The following FMNL1 variants were observed in gnomAD, a reference collection of about 807,000 sequenced individuals.
FMNL1 encodes the protein formin-like protein 1.
A neutral mutation model predicts 121.3 loss-of-function variants in FMNL1; 43 were observed. That is an observed-to-expected ratio of 0.35 (90% CI 0.28 to 0.46). The LOEUF is 0.46. Among genes scored for constraint, FMNL1 ranks in the 20% least tolerant of loss-of-function variants. The pLI, the probability that FMNL1 is intolerant of heterozygous loss-of-function variation, is 1.00. For synonymous variants in FMNL1, 613 were observed against 613.5 expected (o/e 1.00, Z 0.01); for missense variants, 1,191 against 1,482.4 (o/e 0.80, Z 3.23).
intron 1 of FMNL1, among the ~76,000 whole-genome samples, chr17:45,224,748 G>T (rs1390530553): frequency 6.6e-6 from 1 of 152,226 alleles, no homozygotes; most frequent in Admixed American, 6.5e-5. Context: ...AAAGAAAGGG[G>T]TGCCCCCTGC....
Position 45,237,759 on chromosome 17 carries a change from C to T in FMNL1, c.894+120C>T, listed in dbSNP as rs573764947. 178 of 1,087,800 alleles carry T rather than the reference C, an allele frequency of 1.6e-4. No homozygotes were observed. Among genetic ancestry groups the T allele is most frequent in the Middle Eastern group, 6.1e-4 (3 of 4,890 alleles). 67.4% of individuals were successfully genotyped at this position (1,087,800 alleles called of 1,614,324 possible). A position where few individuals can be genotyped will look rare whatever the true frequency, so the allele number is the denominator to read the frequency against. On this transcript the variant is annotated intron_variant, in intron 9 of 26. Coordinates refer to ENST00000331495, the MANE Select transcript of FMNL1 (RefSeq NM_005892.4). This position sits in a 1 kb window ranked among gnomAD's most constrained non-coding sequence, Gnocchi z 4.4. Reference sequence around the variant, plus strand: ...GGACATTGGGTGGGCATTTGGGGAACGCCCAAAAGTTGAAGTTGAGCCACA... The same window carrying T: ...GGACATTGGGTGGGCATTTGGGGAATGCCCAAAAGTTGAAGTTGAGCCACA...
rs1311941497 is a variant in FMNL1 at position 45,240,486 on chromosome 17, T to C, written c.1091T>C (p.Leu364Pro). 1.2e-6 allele frequency: 2 copies of C among 1,609,556 alleles called. No individual in the cohort carries two copies. Among genetic ancestry groups the C allele is most frequent in the African/African-American group, 2.7e-5 (2 of 74,048 alleles). Residue 364 changes from leucine (L) to proline (P), a missense_variant, in exon 12 of 27, where the codon CTC (leucine) becomes CCC (proline). Coordinates refer to ENST00000331495, the MANE Select transcript of FMNL1 (RefSeq NM_005892.4). ...GLDLYLERLRLTESDKLQVQI... is the reference protein window; with the variant it reads ...GLDLYLERLRPTESDKLQVQI... ...CCATCTGGGGGACAGAGGCTTCGGC[T>C]CACCGAGAGTGACAAGCTGCAGGTG...
intron 1 of FMNL1, among the ~76,000 whole-genome samples, chr17:45,222,601 C>A (rs1392116945): frequency 6.6e-6 from 1 of 152,128 alleles, no homozygotes; most frequent in Non-Finnish European, 1.5e-5. Flanking sequence ...GCCCAGCCAC[C>A]GGGCGCGGGT....
chr17:45,230,816 A>T, intron 2 of FMNL1, 129 bp downstream of exon 2: 1 of 933,062 alleles, frequency 1.1e-6, no homozygotes, highest in South Asian at 1.7e-5. Context: ...TCAGTGGCCA[A>T]TGTAGCACCT....
rs1446949290 is a variant in FMNL1 at position 45,234,175 on chromosome 17, C to T, written c.589C>T (p.Pro197Ser). ...DLSKGPPSSV[P>S]KSRHLTIKLT... ...CAGCAAGGGTCCACCCTCCTCCGTG[C>T]CCAAAAGCCGCCACCTGACCATCAA... The change falls in exon 6 of 27, where the codon CCC becomes TCC. Residue 197 changes from proline (P) to serine (S), a missense_variant. Around this residue, in one of 4 missense-constraint regions of FMNL1, gnomAD observed 253 missense variants for 417.5 expected, o/e 0.61. Coordinates refer to ENST00000331495, the MANE Select transcript of FMNL1 (RefSeq NM_005892.4). The T allele has an allele frequency of 6.2e-6, 10 of 1,613,998 alleles. No homozygotes were observed. In the South Asian group the frequency reaches 1.1e-4, roughly 18 times the overall value.
chr17:45,232,867 A>G (rs775221273), intron 3 of FMNL1: 37 of 548,918 alleles, frequency 6.7e-5, no homozygotes, highest in South Asian at 4.6e-4. Context: ...GTGTCCATGT[A>G]TGGATGTGTG....
intron 19 of FMNL1, 149 bp downstream of exon 19, chr17:45,244,393 G>C (rs2043781133): frequency 9.4e-7 from 1 of 1,063,162 alleles, no homozygotes; most frequent in African/African-American, 1.6e-5. Flanking sequence ...GTGGTGGCGA[G>C]TGGGAAGGGG....
At chr17:45,235,901 A>G (rs1411543920) in intron 6 of FMNL1, among the ~76,000 whole-genome samples, 1 of 152,110 alleles carries the variant, frequency 6.6e-6, no homozygotes, top group East Asian at 1.9e-4. Flanking sequence ...TCACCCTACC[A>G]AGTCCCTGGG....
At chr17:45,234,619 G>T (rs1198266523) in intron 6 of FMNL1, 3 of 200,462 alleles carry the variant, frequency 1.5e-5, no homozygotes, top group South Asian at 5.8e-5. Flanking sequence ...AGCTGAGATC[G>T]CACCACTGCA....
chr17:45,224,277 G>T (rs2043289452), intron 1 of FMNL1, among the ~76,000 whole-genome samples: 1 of 152,140 alleles, frequency 6.6e-6, no homozygotes, highest in African/African-American at 2.4e-5. Flanking sequence ...CTTGCCCCAG[G>T]GTGACAACCT....
chr17:45,244,252 G>A lies in FMNL1; in HGVS notation c.2517+8G>A. 1.2e-6 allele frequency: 2 copies of A among 1,607,668 alleles called. No homozygotes were observed. The highest frequency in any genetic ancestry group is 1.7e-6 in the Non-Finnish European group (2 of 1,177,066). ...CTCCGCCAGATCCTGGAGGTGAGGG[G>A]CCAGGAGGTGGGGCCCACCCTTGCC... is the stretch of plus-strand genomic sequence containing the variant. On this transcript the variant is annotated splice_region_variant and intron_variant, in intron 19 of 26. Transcript: ENST00000331495.
chr17:45,244,039 G>A lies in FMNL1; in HGVS notation c.2448+14G>A, dbSNP rs367975353. On this transcript the variant is annotated intron_variant, in intron 18 of 26. Coordinates refer to ENST00000331495, the MANE Select transcript of FMNL1 (RefSeq NM_005892.4). ...CTGCTCATGCCGGTGTGGGCGGAGC[G>A]GGCAGGGCGGTGTGACTTGGGAGGG... is the stretch of plus-strand genomic sequence containing the variant. The A allele has an allele frequency of 9.1e-5, 145 of 1,601,796 alleles. No homozygotes were observed. Among genetic ancestry groups the A allele is most frequent in the Non-Finnish European group, 1.2e-4 (136 of 1,174,274 alleles).
intron 1 of FMNL1, among the ~76,000 whole-genome samples, chr17:45,228,739 G>A: frequency 6.6e-6 from 1 of 152,004 alleles, no homozygotes; most frequent in Non-Finnish European, 1.5e-5. Flanking sequence ...AAGTTCCCTG[G>A]GTGGGTGAGG....
intron 9 of FMNL1, chr17:45,238,196 C>T: frequency 4.3e-6 from 1 of 230,866 alleles, no homozygotes; most frequent in Non-Finnish European, 8.6e-6. Flanking sequence ...AAAAAGCCAG[C>T]AATGTTGCAG....
intron 2 of FMNL1, 32 bp downstream of exon 2, chr17:45,230,719 C>A (rs1172138792): frequency 1.2e-6 from 2 of 1,608,758 alleles, no homozygotes; most frequent in Non-Finnish European, 1.7e-6. Flanking sequence ...CCACCCCTTC[C>A]CTCCCACTGT....
At chr17:45,242,549 A>G in intron 16 of FMNL1, 84 bp downstream of exon 16, 3 of 1,524,882 alleles carry the variant, frequency 2.0e-6, no homozygotes, top group Non-Finnish European at 2.7e-6. Flanking sequence ...GGGGGTAGTC[A>G]TTTTCTCCAA....
intron 1 of FMNL1, among the ~76,000 whole-genome samples, chr17:45,230,168 G>T (rs1314412342): frequency 7.6e-6 from 1 of 130,966 alleles, no homozygotes; most frequent in African/African-American, 2.9e-5. Context: ...CTGGCCACTG[G>T]CCACTGGCCA....
chr17:45,236,140 A>G lies in FMNL1; in HGVS notation c.619A>G (p.Thr207Ala). The G allele has an allele frequency of 6.2e-7, 1 of 1,611,366 alleles. No homozygotes were observed. The highest frequency in any genetic ancestry group is 1.3e-5 in the African/African-American group (1 of 75,008). ...PKSRHLTIKL[T>A]PAHSRKALRN... The stretch of plus-strand genomic sequence containing the variant: ...CCTCCTCCACACCCCGCCCAGGCTG[A>G]CCCCAGCCCACAGCAGGAAGGCCCT... Residue 207 changes from threonine (T) to alanine (A), a missense_variant, in exon 7 of 27, where the codon ACC becomes GCC. Physicochemically the swap from Thr to Ala is moderately conservative, Grantham distance 58. Coordinates refer to ENST00000331495, the MANE Select transcript of FMNL1 (RefSeq NM_005892.4).
rs2043825717 is a variant in FMNL1, at chr17:45,246,088, T to G, written c.3090+115T>G. ...ACAGACTGACCCTGCCCCAGGAGCCTGGGATGGGAAAGGGTTCTTTCTGCT... is the reference window on the plus strand; with the variant it reads ...ACAGACTGACCCTGCCCCAGGAGCCGGGGATGGGAAAGGGTTCTTTCTGCT... On this transcript the variant is annotated intron_variant, in intron 24 of 26. Transcript: ENST00000331495. 5 of 1,526,690 alleles carry G rather than the reference T, an allele frequency of 3.3e-6. No individual in the cohort carries two copies. In the East Asian group the frequency reaches 1.1e-4, roughly 35 times the overall value. 94.6% of individuals were successfully genotyped at this position (1,526,690 alleles called of 1,614,324 possible).
Sources: allele counts gnomAD v4.1 joint callset (sites outside exome capture counted in the v4.1 genomes callset), GRCh38; gene constraint gnomAD v4.1.1; regional missense constraint gnomAD v4.1.1; non-coding constraint Gnocchi (gnomAD v3.1); transcripts MANE v1.5; gene names NCBI Gene and HGNC (gene_info 2026-07-23, HGNC 2026-07-21).